Variants in MAGI2 observed in about 807,000 individuals in gnomAD.
MAGI2 encodes the protein membrane associated guanylate kinase, WW and PDZ domain containing 2.
Under a neutral mutation model 133.3 loss-of-function variants are expected in MAGI2, and 35 were observed. The ratio of observed to expected loss-of-function variants is 0.26; its 90% CI spans 0.20 to 0.35. MAGI2 has a LOEUF of 0.35. MAGI2 is among the 10% of genes least tolerant of loss of function. The probability of loss-of-function intolerance (pLI) is 1.00; values close to 1 mark genes in which losing one functional copy is unlikely to be tolerated. For synonymous variants in MAGI2, 729 were observed against 710.6 expected, an observed-to-expected ratio of 1.03 and a Z score of -0.41; for missense variants, 1,636 against 1,863.4, an observed-to-expected ratio of 0.88 and a Z score of 2.25.
chr7:79,398,304 C>T (rs1050678127), intron 1 of MAGI2, among the ~76,000 whole-genome samples: 2 of 152,202 alleles, frequency 1.3e-5, no homozygotes, highest in African/African-American at 4.8e-5. Flanking sequence ...GAGCACTATC[C>T]ATTCGGCCTG....
intron 9 of MAGI2, among the ~76,000 whole-genome samples, chr7:78,318,561 G>A (rs911532750): frequency 6.6e-6 from 1 of 152,168 alleles, no homozygotes; most frequent in Admixed American, 6.5e-5. Flanking sequence ...ATATTATCCA[G>A]GAGAACTTCC....
At chr7:78,974,695 T>A (rs951667687) in intron 2 of MAGI2, among the ~76,000 whole-genome samples, 1 of 151,814 alleles carries the variant, frequency 6.6e-6, no homozygotes, top group Non-Finnish European at 1.5e-5. Context: ...CTATTTATAG[T>A]GTACAATATG....
chr7:79,251,685 A>C (rs1833284512), intron 1 of MAGI2, among the ~76,000 whole-genome samples: 1 of 152,216 alleles, frequency 6.6e-6, no homozygotes. Flanking sequence ...GAGGTTCATC[A>C]AAAAACTAAA....
chr7:79,089,721 C>T (rs1816877473), intron 1 of MAGI2, among the ~76,000 whole-genome samples: 2 of 152,030 alleles, frequency 1.3e-5, no homozygotes, highest in African/African-American at 4.8e-5. Flanking sequence ...GCAAACTAAA[C>T]CCTCATTCTC....
intron 3 of MAGI2, among the ~76,000 whole-genome samples, chr7:78,555,190 TTGGA>T (rs369587265): frequency 0.38 from 52,760 of 138,686 alleles, 10,173 homozygotes; most frequent in Middle Eastern, 0.49. Flanking sequence ...TAGAGGACGG[TTGGA>T]TGGATGGATA....
chr7:78,681,893 T>C (rs1432392128), intron 2 of MAGI2, among the ~76,000 whole-genome samples: 1 of 152,160 alleles, frequency 6.6e-6, no homozygotes, highest in African/African-American at 2.4e-5. Flanking sequence ...TCACAACCTT[T>C]ATATGACAAC....
At chr7:78,042,281 A>G (rs1241035163) in intron 21 of MAGI2, among the ~76,000 whole-genome samples, 3 of 152,146 alleles carry the variant, frequency 2.0e-5, no homozygotes, top group African/African-American at 4.8e-5. Context: ...TTGATGAGTT[A>G]CCCAAAGAGG....
intron 2 of MAGI2, among the ~76,000 whole-genome samples, chr7:78,834,377 T>C (rs1336484187): frequency 6.6e-6 from 1 of 152,208 alleles, no homozygotes; most frequent in African/African-American, 2.4e-5. Context: ...TCCTTAGTTC[T>C]ATGCAACTAC....
intron 5 of MAGI2, among the ~76,000 whole-genome samples, chr7:78,499,055 A>AAACAAC (rs147914906): frequency 1.2e-3 from 174 of 150,478 alleles, no homozygotes; most frequent in Admixed American, 1.8e-3. Flanking sequence ...CTACAAACTC[A>AAACAAC]AACAACAACA....
intron 4 of MAGI2, among the ~76,000 whole-genome samples, chr7:78,512,090 TC>T (rs1795646819): frequency 6.7e-6 from 1 of 150,006 alleles, no homozygotes; most frequent in South Asian, 2.1e-4. Flanking sequence ...GCCACTGCAC[TC>T]CAGCCTGGGT....
intron 1 of MAGI2, among the ~76,000 whole-genome samples, chr7:79,284,226 G>A (rs1419671842): frequency 2.6e-5 from 4 of 152,084 alleles, no homozygotes; most frequent in African/African-American, 9.7e-5. Context: ...GTAAAAGTTA[G>A]GTTGAAGTAG....
chr7:78,142,667 G>C (rs1043182002), intron 16 of MAGI2, among the ~76,000 whole-genome samples: 3 of 152,062 alleles, frequency 2.0e-5, no homozygotes, highest in African/African-American at 7.2e-5. Context: ...GATAGATCAC[G>C]GTATTTCAAG....
intron 2 of MAGI2, among the ~76,000 whole-genome samples, chr7:78,737,429 T>C (rs1821971015): frequency 6.6e-6 from 1 of 152,210 alleles, no homozygotes; most frequent in Non-Finnish European, 1.5e-5. Context: ...TTTTCGATTC[T>C]ACATTGCAAC....
intron 9 of MAGI2, among the ~76,000 whole-genome samples, chr7:78,318,558 C>A (rs1584855898): frequency 2.0e-5 from 3 of 152,232 alleles, no homozygotes; most frequent in East Asian, 3.9e-4. Flanking sequence ...AGGATATTAT[C>A]CAGGAGAACT....
At chr7:78,344,721 ATT>A in intron 8 of MAGI2, among the ~76,000 whole-genome samples, 1 of 152,326 alleles carries the variant, frequency 6.6e-6, no homozygotes, top group East Asian at 1.9e-4. Flanking sequence ...AAGGTAACAC[ATT>A]TTGTCACAAT....
chr7:79,100,109 G>T (rs1817848124), intron 1 of MAGI2, among the ~76,000 whole-genome samples: 1 of 151,830 alleles, frequency 6.6e-6, no homozygotes, highest in South Asian at 2.1e-4. Flanking sequence ...TTTTATGCTT[G>T]TATCACAACT....
chr7:79,203,554 A>G (rs1310574166), intron 1 of MAGI2, among the ~76,000 whole-genome samples: 2 of 152,018 alleles, frequency 1.3e-5, no homozygotes, highest in Non-Finnish European at 2.9e-5. Context: ...ATGTTATAGC[A>G]CCATTGGTGC....
intron 1 of MAGI2, among the ~76,000 whole-genome samples, chr7:79,279,695 T>C (rs1835486136): frequency 6.6e-6 from 1 of 152,160 alleles, no homozygotes; most frequent in African/African-American, 2.4e-5. Flanking sequence ...TTGAACATTA[T>C]TGTCCTCCAG....
intron 1 of MAGI2, among the ~76,000 whole-genome samples, chr7:79,228,319 G>T (rs1404757609): frequency 5.4e-5 from 5 of 92,922 alleles, no homozygotes; most frequent in African/African-American, 7.1e-5. Context: ...CCCCAGGCTG[G>T]GTGACAGAGC....
Sources: allele counts gnomAD v4.1 joint callset (sites outside exome capture counted in the v4.1 genomes callset), GRCh38; gene constraint gnomAD v4.1.1; transcripts MANE v1.5; gene names NCBI Gene and HGNC (gene_info 2026-07-23, HGNC 2026-07-21).